The following CEP112 variants were observed in gnomAD, a reference collection of about 807,000 sequenced individuals.
CEP112 encodes the protein centrosomal protein 112, also known as centrosomal protein of 112 kDa.
In CEP112, 127 loss-of-function variants were observed where a neutral mutation model predicts 153.0. The observed-to-expected ratio is 0.83, with a 90% confidence interval of 0.72 to 0.96. The LOEUF is 0.96. Ranked by LOEUF, CEP112 falls within the 40% of genes least tolerant of loss-of-function variation. The pLI is 0.00. For synonymous variants in CEP112, 358 were observed against 374.4 expected, an observed-to-expected ratio of 0.96 and a Z score of 0.51; for missense variants, 1,089 against 1,101.2, an observed-to-expected ratio of 0.99 and a Z score of 0.16.
chr17:65,727,023 G>T, intron 23 of CEP112, among the ~76,000 whole-genome samples: 1 of 152,146 alleles, frequency 6.6e-6, no homozygotes, highest in East Asian at 1.9e-4. Flanking sequence ...GGAACTGCTG[G>T]CCCAAAGGTT....
chr17:66,181,881 A>G (rs1294263100), intron 2 of CEP112: 8 of 152,240 alleles, frequency 5.3e-5, no homozygotes, highest in Non-Finnish European at 1.0e-4. Context: ...AAAATAGCAG[A>G]GGAAGAAAGA....
chr17:65,928,904 T>C (rs1006093893), intron 18 of CEP112, among the ~76,000 whole-genome samples: 12 of 152,114 alleles, frequency 7.9e-5, no homozygotes, highest in Non-Finnish European at 5.9e-5. Flanking sequence ...AACTAACACA[T>C]GTTATAACAT....
At chr17:66,089,411 C>T (rs2146233158) in intron 8 of CEP112, among the ~76,000 whole-genome samples, 1 of 152,134 alleles carries the variant, frequency 6.6e-6, no homozygotes, top group East Asian at 1.9e-4. Flanking sequence ...GCTTAGTGAG[C>T]TTCAAGAAAA....
intron 18 of CEP112, among the ~76,000 whole-genome samples, chr17:65,931,364 T>C (rs144519729): frequency 6.6e-6 from 1 of 152,346 alleles, no homozygotes; most frequent in East Asian, 1.9e-4. Context: ...TGGTTTCACG[T>C]TGACTGTATC....
At chr17:66,117,945 C>T (rs2069378916) in intron 6 of CEP112, among the ~76,000 whole-genome samples, 1 of 151,966 alleles carries the variant, frequency 6.6e-6, no homozygotes, top group Non-Finnish European at 1.5e-5. Flanking sequence ...AAATGCAAAT[C>T]AAAACCATAA....
At chr17:65,969,679 T>C (rs978382183) in intron 17 of CEP112, among the ~76,000 whole-genome samples, 1 of 152,254 alleles carries the variant, frequency 6.6e-6, no homozygotes, top group Non-Finnish European at 1.5e-5. Context: ...ATTGCATGCA[T>C]GTGTATTGTA....
At chr17:65,739,627 T>C (rs986606126) in intron 23 of CEP112, among the ~76,000 whole-genome samples, 2 of 151,974 alleles carry the variant, frequency 1.3e-5, no homozygotes, top group African/African-American at 4.8e-5. Flanking sequence ...TCTCAGCTGC[T>C]TGGGAGGCTG....
At chr17:65,701,886 C>CTGTTTT (rs2048650134) in intron 23 of CEP112, among the ~76,000 whole-genome samples, 1 of 129,094 alleles carries the variant, frequency 7.7e-6, no homozygotes, top group African/African-American at 2.8e-5. Flanking sequence ...CCTTCAACTT[C>CTGTTTT]TTTTTTTTTT....
At chr17:65,859,489 T>C (rs2058235080) in intron 20 of CEP112, among the ~76,000 whole-genome samples, 1 of 149,756 alleles carries the variant, frequency 6.7e-6, no homozygotes, top group Non-Finnish European at 1.5e-5. Context: ...ATTATGATTA[T>C]CTGAATACAC....
intron 6 of CEP112, among the ~76,000 whole-genome samples, chr17:66,113,323 G>A (rs1259481070): frequency 8.2e-6 from 1 of 122,344 alleles, no homozygotes; most frequent in Non-Finnish European, 1.7e-5. Context: ...AAGCAGCATA[G>A]GAAGTAAGTT....
intron 23 of CEP112, among the ~76,000 whole-genome samples, chr17:65,724,550 C>G (rs2050068739): frequency 6.6e-6 from 1 of 152,198 alleles, no homozygotes; most frequent in Admixed American, 6.5e-5. Context: ...ACTTTTCTCT[C>G]AGTAGCATAT....
At chr17:65,887,376 T>G (rs2059317371) in intron 20 of CEP112, among the ~76,000 whole-genome samples, 1 of 152,216 alleles carries the variant, frequency 6.6e-6, no homozygotes, top group Non-Finnish European at 1.5e-5. Context: ...ATTAGGCCAT[T>G]TTCTGATTGA....
chr17:65,653,281 A>G (rs1238572563), intron 24 of CEP112, among the ~76,000 whole-genome samples: 1 of 152,252 alleles, frequency 6.6e-6, no homozygotes. Context: ...ATTTAAGGGA[A>G]GGATCTCAGC....
chr17:66,157,229 T>C (rs1436850110), intron 4 of CEP112, among the ~76,000 whole-genome samples: 1 of 152,204 alleles, frequency 6.6e-6, no homozygotes, highest in Non-Finnish European at 1.5e-5. Flanking sequence ...ATATTCAACA[T>C]TCTTAAAGAA....
intron 1 of CEP112, among the ~76,000 whole-genome samples, chr17:66,187,025 T>C (rs1479412198): frequency 1.3e-5 from 2 of 152,160 alleles, no homozygotes; most frequent in Non-Finnish European, 2.9e-5. Context: ...GCCTATTTGC[T>C]ATGTAAAATT....
intron 4 of CEP112, among the ~76,000 whole-genome samples, chr17:66,163,204 G>A (rs1383881591): frequency 1.3e-5 from 2 of 152,046 alleles, no homozygotes; most frequent in African/African-American, 4.8e-5. Flanking sequence ...ATCTTCTAGT[G>A]GCTCTTTAAA....
intron 21 of CEP112, among the ~76,000 whole-genome samples, chr17:65,822,130 A>T (rs2056619981): frequency 6.6e-6 from 1 of 151,920 alleles, no homozygotes; most frequent in Non-Finnish European, 1.5e-5. Flanking sequence ...TGATTACTAC[A>T]GGGAGTAATG....
chr17:65,935,845 T>TA (rs1363389749), intron 18 of CEP112, among the ~76,000 whole-genome samples: 2 of 145,822 alleles, frequency 1.4e-5, no homozygotes, highest in Non-Finnish European at 3.0e-5. Context: ...ACCTCAGAAC[T>TA]AAAAAAAAGG....
At chr17:65,863,452 C>A (rs1598813161) in intron 20 of CEP112, among the ~76,000 whole-genome samples, 1 of 152,136 alleles carries the variant, frequency 6.6e-6, no homozygotes, top group Non-Finnish European at 1.5e-5. Flanking sequence ...ACGACGGGTT[C>A]AGGCCATAGG....
Sources: gnomAD v4.1 joint callset for allele counts (sites outside exome capture counted in the v4.1 genomes callset) on GRCh38, gnomAD v4.1.1 for gene constraint, MANE v1.5 for transcripts, NCBI Gene and HGNC (gene_info 2026-07-23, HGNC 2026-07-21) for gene names.